Variants in SUPT3H observed in about 807,000 individuals in gnomAD.
SUPT3H encodes transcription initiation protein SPT3 homolog.
In SUPT3H, 44 loss-of-function variants were observed where a neutral mutation model predicts 44.3. That is an observed-to-expected ratio of 0.99 (90% CI 0.78 to 1.28). The LOEUF (loss-of-function observed/expected upper bound fraction) is 1.28, where lower values mean the gene tolerates loss of function less well. Among genes scored for constraint, SUPT3H ranks in the 50% most tolerant of loss-of-function variants. The pLI, the probability that SUPT3H is intolerant of heterozygous loss-of-function variation, is 0.00. For synonymous variants in SUPT3H, 124 were observed against 125.6 expected, an observed-to-expected ratio of 0.99 and a Z score of 0.09; for missense variants, 380 against 387.1, an observed-to-expected ratio of 0.98 and a Z score of 0.15.
At chr6:45,342,320 G>A (rs1329846748) in intron 2 of SUPT3H, among the ~76,000 whole-genome samples, 1 of 151,954 alleles carries the variant, frequency 6.6e-6, no homozygotes, top group Admixed American at 6.6e-5. Flanking sequence ...GGAGTGCAGT[G>A]GCACAATCTC....
intron 2 of SUPT3H, among the ~76,000 whole-genome samples, chr6:45,170,809 T>A (rs577536235): frequency 2.6e-4 from 39 of 152,310 alleles, no homozygotes; most frequent in African/African-American, 9.1e-4. Flanking sequence ...ACTATTAACA[T>A]AAGAATGCTA....
At chr6:44,812,782 T>A (rs558446411) in intron 11 of SUPT3H, among the ~76,000 whole-genome samples, 1 of 152,290 alleles carries the variant, frequency 6.6e-6, no homozygotes, top group Admixed American at 6.5e-5. Context: ...TATGGCAGTA[T>A]CACTGGGCTG....
At chr6:45,287,945 T>C (rs1380896421) in intron 2 of SUPT3H, among the ~76,000 whole-genome samples, 1 of 152,182 alleles carries the variant, frequency 6.6e-6, no homozygotes, top group Non-Finnish European at 1.5e-5. Context: ...GCACATTCCT[T>C]TCCTAAAATT....
At chr6:45,122,870 T>C (rs1421394892) in intron 2 of SUPT3H, among the ~76,000 whole-genome samples, 1 of 152,210 alleles carries the variant, frequency 6.6e-6, no homozygotes, top group Non-Finnish European at 1.5e-5. Flanking sequence ...GATTGTACAC[T>C]GAAAATGAAA....
intron 3 of SUPT3H, among the ~76,000 whole-genome samples, chr6:45,080,179 C>T (rs976749116): frequency 6.6e-6 from 1 of 152,024 alleles, no homozygotes; most frequent in African/African-American, 2.4e-5. Context: ...AAACAGTACA[C>T]AAGTATATGA....
intron 9 of SUPT3H, among the ~76,000 whole-genome samples, chr6:44,947,248 G>A (rs1478410825): frequency 1.3e-5 from 2 of 152,038 alleles, no homozygotes; most frequent in African/African-American, 4.8e-5. Flanking sequence ...TCAATATGGT[G>A]GTGTGGAAAC....
intron 10 of SUPT3H, among the ~76,000 whole-genome samples, chr6:44,887,820 G>T (rs1228101459): frequency 6.6e-6 from 1 of 151,726 alleles, no homozygotes; most frequent in East Asian, 1.9e-4. Context: ...AAAAATTAAT[G>T]AATCCAGGAG....
intron 10 of SUPT3H, among the ~76,000 whole-genome samples, chr6:44,830,209 TCTAA>T (rs983329689): frequency 5.3e-5 from 8 of 152,146 alleles, no homozygotes; most frequent in Admixed American, 2.6e-4. Context: ...AGGAATCACT[TCTAA>T]CTAACTAAGT....
At chr6:44,944,779 A>AAAAAAG (rs1773054459) in intron 9 of SUPT3H, among the ~76,000 whole-genome samples, 1 of 133,854 alleles carries the variant, frequency 7.5e-6, no homozygotes, top group Admixed American at 7.4e-5. Context: ...AAAAAAAAAA[A>AAAAAAG]AAAAAAGAAA....
rs116239677 is a variant in SUPT3H at position 45,103,278 on chromosome 6, C to A, written c.186+2644G>T. 6.2e-3 allele frequency among the ~76,000 whole-genome samples: 942 copies of A among 152,168 alleles called. 16 individuals carry two copies. The highest frequency in any genetic ancestry group is 0.021 in the African/African-American group (891 of 41,520). On this transcript the variant is annotated intron_variant, in intron 3 of 10. Coordinates refer to ENST00000371459, the MANE Select transcript of SUPT3H (RefSeq NM_003599.4). ...TGAATCTCACAAATAGGCATCAAAA[C>A]TATCATTCAAATATTAAATGGGTAA...
chr6:44,963,954 C>T (rs1347962983), intron 6 of SUPT3H, among the ~76,000 whole-genome samples: 1 of 150,846 alleles, frequency 6.6e-6, no homozygotes, highest in African/African-American at 2.5e-5. Context: ...GCCAAGATCA[C>T]GCCACTGCAC....
At chr6:44,868,177 C>T (rs984163097) in intron 10 of SUPT3H, among the ~76,000 whole-genome samples, 5 of 152,194 alleles carry the variant, frequency 3.3e-5, no homozygotes, top group Admixed American at 6.5e-5. Context: ...AACTCACAAA[C>T]GTGGTTCTGT....
intron 11 of SUPT3H, among the ~76,000 whole-genome samples, chr6:44,814,770 G>A (rs539207593): frequency 4.6e-5 from 7 of 152,148 alleles, no homozygotes; most frequent in South Asian, 4.1e-4. Context: ...TCTGCCTTCC[G>A]GGTTCAAGCA....
At chr6:45,176,269 C>A (rs939101670) in intron 2 of SUPT3H, among the ~76,000 whole-genome samples, 77 of 149,938 alleles carry the variant, frequency 5.1e-4, no homozygotes, top group Middle Eastern at 3.4e-3. Flanking sequence ...CTGGGAAGCG[C>A]GAGGGGTCAA....
At chr6:45,120,417 TAAAAAAAAAA>T (rs71687494) in intron 2 of SUPT3H, among the ~76,000 whole-genome samples, 12 of 50,512 alleles carry the variant, frequency 2.4e-4, no homozygotes, top group South Asian at 9.3e-4. Flanking sequence ...AGACCTTGTC[TAAAAAAAAAA>T]AAAAAAAAAA....
intron 2 of SUPT3H, among the ~76,000 whole-genome samples, chr6:45,213,451 T>C (rs948247694): frequency 2.6e-5 from 4 of 152,178 alleles, no homozygotes; most frequent in Admixed American, 1.3e-4. Context: ...TTTAAATATT[T>C]AACATCACTG....
intron 2 of SUPT3H, among the ~76,000 whole-genome samples, chr6:45,238,255 AATT>A (rs1004417886): frequency 6.6e-6 from 1 of 152,184 alleles, no homozygotes; most frequent in African/African-American, 2.4e-5. Context: ...GCACTGGTTT[AATT>A]ATAGCTCCTG....
chr6:45,158,298 A>ATATATATATATATATATATTTTT, intron 2 of SUPT3H, among the ~76,000 whole-genome samples: 11 of 99,692 alleles, frequency 1.1e-4, no homozygotes, highest in African/African-American at 5.5e-4. Context: ...ATATATATAT[A>ATATATATATATATATATATTTTT]TTTTTTTTTT....
chr6:45,004,114 T>C (rs566565613), intron 5 of SUPT3H, among the ~76,000 whole-genome samples: 116 of 152,202 alleles, frequency 7.6e-4, no homozygotes, highest in Non-Finnish European at 1.3e-3. Context: ...ATAGTATTTA[T>C]AACAAACACC....
Sources: allele counts gnomAD v4.1 joint callset (sites outside exome capture counted in the v4.1 genomes callset), GRCh38; gene constraint gnomAD v4.1.1; transcripts MANE v1.5; gene names NCBI Gene and HGNC (gene_info 2026-07-23, HGNC 2026-07-21).